Variants in SOX6 observed in about 807,000 individuals in gnomAD.
SOX6 encodes transcription factor SOX-6.
In SOX6, 11 loss-of-function variants were observed where a neutral mutation model predicts 97.8. The ratio of observed to expected loss-of-function variants is 0.11; its 90% CI spans 0.07 to 0.19. The LOEUF (loss-of-function observed/expected upper bound fraction) is 0.19. SOX6 is among the 10% of genes least tolerant of loss of function. The pLI is 1.00. For synonymous variants in SOX6, 360 were observed against 371.4 expected (o/e 0.97, Z 0.35); for missense variants, 810 against 1,039.5 (o/e 0.78, Z 3.04).
At chr11:16,630,337 C>A (rs921615740) in intron 3 of SOX6, among the ~76,000 whole-genome samples, 9 of 152,116 alleles carry the variant, frequency 5.9e-5, no homozygotes, top group African/African-American at 2.2e-4. Flanking sequence ...GCCTTAATTT[C>A]ATTGTTTACC....
chr11:16,523,994 G>C (rs1220006342), intron 4 of SOX6, among the ~76,000 whole-genome samples: 1 of 152,116 alleles, frequency 6.6e-6, no homozygotes, highest in Non-Finnish European at 1.5e-5. Context: ...ATAATCAATA[G>C]CTTACCAACC....
intron 5 of SOX6, among the ~76,000 whole-genome samples, chr11:16,184,488 T>C (rs1171380663): frequency 6.6e-6 from 1 of 152,164 alleles, no homozygotes; most frequent in Non-Finnish European, 1.5e-5. Flanking sequence ...TTGTTGATGC[T>C]GTATGTGATG....
chr11:16,151,138 T>C (rs1255927070), intron 6 of SOX6, among the ~76,000 whole-genome samples: 1 of 152,180 alleles, frequency 6.6e-6, no homozygotes, highest in Non-Finnish European at 1.5e-5. Flanking sequence ...ATATGCAATA[T>C]ATTTTTCACA....
intron 2 of SOX6, among the ~76,000 whole-genome samples, chr11:16,325,759 A>G (rs1292360337): frequency 6.6e-6 from 1 of 152,194 alleles, no homozygotes; most frequent in Non-Finnish European, 1.5e-5. Flanking sequence ...ACGTCCCCCC[A>G]TAATTCATAA....
chr11:16,374,742 C>T (rs961850343), intron 1 of SOX6, among the ~76,000 whole-genome samples: 69 of 151,942 alleles, frequency 4.5e-4, no homozygotes, highest in Admixed American at 2.8e-3. Flanking sequence ...CCACTCTATT[C>T]TTAGGCAATG....
chr11:16,306,034 A>G (rs1298160399), intron 3 of SOX6, among the ~76,000 whole-genome samples: 1 of 152,176 alleles, frequency 6.6e-6, no homozygotes, highest in Non-Finnish European at 1.5e-5. Context: ...TGACTGTTGT[A>G]GTGGATACAT....
chr11:16,640,045 T>C (rs531964553), intron 3 of SOX6, among the ~76,000 whole-genome samples: 76 of 152,260 alleles, frequency 5.0e-4, no homozygotes, highest in African/African-American at 1.8e-3. Flanking sequence ...TGGCTGTGGG[T>C]TTGTCATAAA....
At chr11:16,536,595 A>C (rs994638769) in intron 4 of SOX6, among the ~76,000 whole-genome samples, 1 of 152,202 alleles carries the variant, frequency 6.6e-6, no homozygotes, top group Non-Finnish European at 1.5e-5. Context: ...GTACACCCCC[A>C]CACAAATACT....
chr11:16,335,910 T>C, intron 2 of SOX6, among the ~76,000 whole-genome samples: 1 of 152,188 alleles, frequency 6.6e-6, no homozygotes, highest in East Asian at 1.9e-4. Context: ...TGCCTACCAT[T>C]ATTTTCATTC....
intron 2 of SOX6, among the ~76,000 whole-genome samples, chr11:16,320,239 C>G (rs1855876431): frequency 6.6e-6 from 1 of 152,020 alleles, no homozygotes. Flanking sequence ...CCATCAGACT[C>G]CTGAAAATCC....
At chr11:16,735,263 A>G (rs1020241848) in intron 2 of SOX6, among the ~76,000 whole-genome samples, 6 of 152,196 alleles carry the variant, frequency 3.9e-5, no homozygotes, top group Non-Finnish European at 7.4e-5. Flanking sequence ...TTGTCTCAGA[A>G]TACAATACTT....
chr11:16,322,041 G>GT (rs1565090928), intron 2 of SOX6, among the ~76,000 whole-genome samples: 1 of 151,900 alleles, frequency 6.6e-6, no homozygotes, highest in African/African-American at 2.4e-5. Flanking sequence ...AGAATCTCTG[G>GT]TTTTTTTAAG....
intron 3 of SOX6, among the ~76,000 whole-genome samples, chr11:16,264,100 T>C (rs1853991931): frequency 6.6e-6 from 1 of 151,892 alleles, no homozygotes; most frequent in Non-Finnish European, 1.5e-5. Flanking sequence ...GTATGAGAAA[T>C]AGTAGTATGG....
At position 16,474,049 on chromosome 11, in the gene SOX6, A is replaced by G. The variant is rs1860191891; in HGVS notation, c.-5+2266T>C. The stretch of plus-strand genomic sequence containing the variant: ...AGGGTAGTTTCCAACTCAAGAAAGT[A>G]CTTTCTTTGTTCATTTTGAAGAAGC... On this transcript the variant is annotated intron_variant, in intron 1 of 15. Coordinates refer to the SOX6 transcript ENST00000396356. Among the ~76,000 whole-genome samples, 3 of 152,200 alleles carry G rather than the reference A, an allele frequency of 2.0e-5. No homozygotes were observed. The South Asian group carries it at 6.2e-4, about 32-fold the overall frequency.
chr11:15,988,487 A>C (rs1246450639), intron 14 of SOX6, among the ~76,000 whole-genome samples: 2 of 152,208 alleles, frequency 1.3e-5, no homozygotes, highest in East Asian at 3.8e-4. Flanking sequence ...CATCAGAGGC[A>C]CTGTTTTGCA....
At chr11:16,258,493 G>A (rs1214314813) in intron 3 of SOX6, among the ~76,000 whole-genome samples, 1 of 151,870 alleles carries the variant, frequency 6.6e-6, no homozygotes, top group Non-Finnish European at 1.5e-5. Flanking sequence ...AAACTATCTG[G>A]CATTCTAGAA....
chr11:16,594,678 T>C (rs897987910), intron 4 of SOX6, among the ~76,000 whole-genome samples: 8 of 128,132 alleles, frequency 6.2e-5, no homozygotes, highest in Non-Finnish European at 1.3e-4. Flanking sequence ...TTCTTTTCGG[T>C]TTTTGCTTTT....
In SOX6 at chr11:16,076,920, A is replaced by AT. The variant is rs574395130; in HGVS notation, c.1101+19075dup. Among the ~76,000 whole-genome samples, 29 of 150,330 alleles carry AT rather than the reference A, an allele frequency of 1.9e-4. No homozygotes were observed. In the East Asian group the frequency reaches 5.7e-3, roughly 30 times the overall value. On this transcript the variant is annotated intron_variant, in intron 9 of 15. Transcript: ENST00000683767. ...AGGCGCCCGCCACCGCGCCCGGCTA[A>AT]TTTTTTGTATTTTTAGTAGAGACGG... is the stretch of plus-strand genomic sequence containing the variant.
chr11:16,565,835 A>G (rs544557859), intron 4 of SOX6, among the ~76,000 whole-genome samples: 30 of 152,078 alleles, frequency 2.0e-4, no homozygotes, highest in East Asian at 1.7e-3. Context: ...AGTGGCTCAC[A>G]CCTGTAATCC....
Sources: allele counts gnomAD v4.1 joint callset (sites outside exome capture counted in the v4.1 genomes callset), GRCh38; gene constraint gnomAD v4.1.1; transcripts MANE v1.5; gene names NCBI Gene and HGNC (gene_info 2026-07-23, HGNC 2026-07-21).